Variants in KLHL29 observed in about 807,000 individuals in gnomAD.
The protein encoded by KLHL29 is kelch like family member 29.
A neutral mutation model predicts 80.4 loss-of-function variants in KLHL29; 21 were observed. The observed-to-expected ratio is 0.26, with a 90% CI of 0.19 to 0.38. KLHL29 has a LOEUF of 0.38. Among genes scored for constraint, KLHL29 ranks in the 10% least tolerant of loss-of-function variants. The pLI, the probability that KLHL29 is intolerant of heterozygous loss-of-function variation, is 1.00. For synonymous variants in KLHL29, 511 were observed against 526.8 expected (o/e 0.97, Z 0.41); for missense variants, 867 against 1,223.9 (o/e 0.71, Z 4.35).
chr2:23,460,428 A>G (rs1664177978), intron 1 of KLHL29, among the ~76,000 whole-genome samples: 1 of 152,182 alleles, frequency 6.6e-6, no homozygotes. Flanking sequence ...GTAGGGGGGA[A>G]GGGATGCTAC....
chr2:23,394,533 G>A (rs1041008024), intron 1 of KLHL29, among the ~76,000 whole-genome samples: 3 of 152,204 alleles, frequency 2.0e-5, no homozygotes, highest in African/African-American at 2.4e-5. Context: ...GATGGGTGCC[G>A]GATGGGTTAC....
At chr2:23,620,561 G>A (rs1037409767) in intron 3 of KLHL29, among the ~76,000 whole-genome samples, 1 of 152,164 alleles carries the variant, frequency 6.6e-6, no homozygotes, top group African/African-American at 2.4e-5. Flanking sequence ...GCCAGCTCTG[G>A]GACAGAGCAT....
intron 2 of KLHL29, among the ~76,000 whole-genome samples, chr2:23,500,731 T>C (rs867747682): frequency 1.3e-5 from 2 of 152,368 alleles, no homozygotes; most frequent in South Asian, 4.1e-4. Flanking sequence ...CATAATTTAC[T>C]ATTTCCAAGA....
intron 3 of KLHL29, among the ~76,000 whole-genome samples, chr2:23,615,631 C>T (rs2149140158): frequency 6.6e-6 from 1 of 152,298 alleles, no homozygotes; most frequent in Non-Finnish European, 1.5e-5. Flanking sequence ...TGAAGTTGCA[C>T]TTTCCATGGG....
intron 1 of KLHL29, among the ~76,000 whole-genome samples, chr2:23,466,221 G>A (rs1216966641): frequency 4.6e-5 from 7 of 152,356 alleles, no homozygotes; most frequent in African/African-American, 1.7e-4. Flanking sequence ...TTCTGTAGAT[G>A]TGGTAATCTT....
At chr2:23,467,518 T>G (rs1166031551) in intron 1 of KLHL29, among the ~76,000 whole-genome samples, 2 of 152,168 alleles carry the variant, frequency 1.3e-5, no homozygotes, top group Non-Finnish European at 2.9e-5. Context: ...CTTTCACAAT[T>G]TTTTTTATTC....
At chr2:23,633,910 G>C (rs566778209) in intron 3 of KLHL29, among the ~76,000 whole-genome samples, 7 of 152,150 alleles carry the variant, frequency 4.6e-5, no homozygotes, top group Admixed American at 1.3e-4. Context: ...CCCTGGTCTG[G>C]TCTCCCCTTT....
intron 1 of KLHL29, among the ~76,000 whole-genome samples, chr2:23,474,039 A>G (rs912076325): frequency 3.9e-5 from 6 of 152,024 alleles, no homozygotes; most frequent in African/African-American, 1.4e-4. Flanking sequence ...CCCCGACAAC[A>G]TGCACCCTAC....
rs1671169678 is a variant in KLHL29 at position 23,684,077 on chromosome 2, T to C, written c.941-322T>C. On this transcript the variant is annotated intron_variant, in intron 5 of 13. Transcript: ENST00000486442. This position sits in a 1 kb window ranked among gnomAD's most constrained non-coding sequence, Gnocchi z 4.4. ...GTTTTTAGTTGTCTGTGATAATGTATTCTCTATGTTTCCAATCGTCAGTAT... is the reference window on the plus strand; with the variant it reads ...GTTTTTAGTTGTCTGTGATAATGTACTCTCTATGTTTCCAATCGTCAGTAT... Among the ~76,000 whole-genome samples the C allele has an allele frequency of 6.6e-6, 1 of 152,230 alleles. No homozygotes were observed. The highest frequency in any genetic ancestry group is 1.5e-5 in the Non-Finnish European group (1 of 68,044).
At chr2:23,498,912 T>C (rs990614905) in intron 2 of KLHL29, among the ~76,000 whole-genome samples, 6 of 152,192 alleles carry the variant, frequency 3.9e-5, no homozygotes, top group African/African-American at 1.4e-4. Flanking sequence ...TTGCTGAAAG[T>C]GACAGAGCCT....
chr2:23,498,937 G>A (rs546527413), intron 2 of KLHL29, among the ~76,000 whole-genome samples: 109 of 152,186 alleles, frequency 7.2e-4, no homozygotes, highest in Non-Finnish European at 1.2e-3. Flanking sequence ...AGCTCTCAGA[G>A]AGAAATTATC....
chr2:23,430,167 T>C (rs1475449993), intron 1 of KLHL29, among the ~76,000 whole-genome samples: 1 of 152,190 alleles, frequency 6.6e-6, no homozygotes, highest in African/African-American at 2.4e-5. Flanking sequence ...GTTAAACCTA[T>C]TCCTGGGCCT....
intron 3 of KLHL29, among the ~76,000 whole-genome samples, chr2:23,633,761 G>C (rs1572453728): frequency 7.0e-6 from 1 of 142,582 alleles, no homozygotes; most frequent in East Asian, 2.0e-4. Context: ...GCACTCGTGT[G>C]TGTGTGTGTG....
intron 3 of KLHL29, among the ~76,000 whole-genome samples, chr2:23,629,432 T>C (rs1045351703): frequency 6.6e-6 from 1 of 152,030 alleles, no homozygotes; most frequent in African/African-American, 2.4e-5. Flanking sequence ...GTGGGTTTTG[T>C]AATGGATGAA....
intron 6 of KLHL29, among the ~76,000 whole-genome samples, chr2:23,688,226 G>T (rs1185816559): frequency 6.6e-6 from 1 of 152,224 alleles, no homozygotes; most frequent in African/African-American, 2.4e-5. Flanking sequence ...CAGGGAGACT[G>T]GGTGCATGCC....
At chr2:23,408,529 T>G (rs1301246655) in intron 1 of KLHL29, among the ~76,000 whole-genome samples, 1 of 152,208 alleles carries the variant, frequency 6.6e-6, no homozygotes, top group Non-Finnish European at 1.5e-5. Context: ...ACTTCATTCC[T>G]ATATGTTACA....
chr2:23,466,669 G>C (rs953122101), intron 1 of KLHL29, among the ~76,000 whole-genome samples: 2 of 152,182 alleles, frequency 1.3e-5, no homozygotes, highest in Non-Finnish European at 2.9e-5. Flanking sequence ...TAGGCCATTA[G>C]TATTCATAAG....
intron 6 of KLHL29, chr2:23,689,221 C>T (rs1470181296): frequency 6.6e-6 from 1 of 152,326 alleles, no homozygotes; most frequent in Admixed American, 6.5e-5. Flanking sequence ...CTCCACCCCA[C>T]AGGTGACCCT....
rs187385643 is a variant in KLHL29 at position 23,562,319 on chromosome 2, C to T, written c.123C>T (p.Gly41=). The change falls in exon 3 of 14, where the codon GGC becomes GGT. Residue 41 remains glycine, a synonymous_variant. Coordinates refer to ENST00000486442, the MANE Select transcript of KLHL29 (RefSeq NM_052920.2). This position sits in a 1 kb window ranked among gnomAD's most constrained non-coding sequence, Gnocchi z 4.5. ...SICSVTSGAG[G]GTASSLSVRP... Reference sequence around the variant, plus strand: ...GCAGTGTCACCTCGGGGGCCGGTGGCGGCACAGCCAGCAGCCTCAGCGTCC... The same window carrying T: ...GCAGTGTCACCTCGGGGGCCGGTGGTGGCACAGCCAGCAGCCTCAGCGTCC... The T allele has an allele frequency of 3.3e-4, 512 of 1,544,854 alleles. 1 individual carries two copies. In the African/African-American group the frequency reaches 5.6e-3, roughly 17 times the overall value.
Sources: gnomAD v4.1 joint callset for allele counts (sites outside exome capture counted in the v4.1 genomes callset) on GRCh38, gnomAD v4.1.1 for gene constraint, Gnocchi (gnomAD v3.1) non-coding constraint, MANE v1.5 for transcripts, NCBI Gene and HGNC (gene_info 2026-07-23, HGNC 2026-07-21) for gene names.